The following NCKAP5 variants were observed in gnomAD, a reference collection of about 807,000 sequenced individuals.
NCKAP5 encodes nck-associated protein 5.
In NCKAP5, 92 loss-of-function variants were observed where a neutral mutation model predicts 167.0. That is an observed-to-expected ratio of 0.55 (90% CI 0.47 to 0.66). NCKAP5 has a LOEUF of 0.66. NCKAP5 is among the 30% of genes least tolerant of loss of function. The pLI is 0.00. For synonymous variants in NCKAP5, 891 were observed against 877.4 expected (o/e 1.02, Z -0.27); for missense variants, 2,378 against 2,315.0 (o/e 1.03, Z -0.56).
chr2:133,069,675 T>G (rs181710134), intron 6 of NCKAP5, among the ~76,000 whole-genome samples: 5 of 152,270 alleles, frequency 3.3e-5, no homozygotes, highest in African/African-American at 1.2e-4. Context: ...CTGGCCCCAT[T>G]AGATGCTCTG....
At chr2:132,774,605 T>A (rs994084074) in intron 15 of NCKAP5, among the ~76,000 whole-genome samples, 2 of 152,152 alleles carry the variant, frequency 1.3e-5, no homozygotes, top group African/African-American at 4.8e-5. Context: ...CAGATGAGAA[T>A]TCTGAGGTCT....
chr2:133,324,935 T>C (rs560796123), intron 3 of NCKAP5, among the ~76,000 whole-genome samples: 1 of 152,306 alleles, frequency 6.6e-6, no homozygotes, highest in Admixed American at 6.5e-5. Context: ...CTCGAAGTCC[T>C]GACCTCAGGT....
chr2:133,538,685 T>C (rs1685945367), intron 2 of NCKAP5, among the ~76,000 whole-genome samples: 1 of 152,022 alleles, frequency 6.6e-6, no homozygotes. Context: ...TTTCCATAAA[T>C]GTTGGGAGAC....
intron 1 of NCKAP5, among the ~76,000 whole-genome samples, chr2:133,567,708 G>T (rs1483771145): frequency 9.2e-6 from 1 of 108,514 alleles, no homozygotes; most frequent in South Asian, 3.1e-4. Context: ...TGTTTGGGGA[G>T]AGAGTGTAGG....
intron 2 of NCKAP5, among the ~76,000 whole-genome samples, chr2:133,519,645 T>C (rs142482831): frequency 3.6e-4 from 55 of 152,302 alleles, no homozygotes; most frequent in African/African-American, 1.2e-3. Context: ...TAGCTCATAA[T>C]AGATTGTGCT....
intron 3 of NCKAP5, among the ~76,000 whole-genome samples, chr2:133,363,277 C>G (rs959830181): frequency 6.6e-6 from 1 of 152,020 alleles, no homozygotes; most frequent in Non-Finnish European, 1.5e-5. Context: ...AAATCTAACC[C>G]ACTGCCCATT....
At chr2:133,563,109 T>C (rs1188060828) in intron 1 of NCKAP5, among the ~76,000 whole-genome samples, 4 of 152,204 alleles carry the variant, frequency 2.6e-5, no homozygotes, top group Non-Finnish European at 5.9e-5. Context: ...TTCCTTAGGT[T>C]ACCATTTTCA....
chr2:133,651,635 C>G, the NCKAP5 span, among the ~76,000 whole-genome samples: 1 of 152,124 alleles, frequency 6.6e-6, no homozygotes, highest in African/African-American at 2.4e-5. Flanking sequence ...AATAGAACTA[C>G]CATATGACCC....
intron 4 of NCKAP5, among the ~76,000 whole-genome samples, chr2:133,297,935 CT>C (rs1680083093): frequency 6.6e-6 from 1 of 152,210 alleles, no homozygotes; most frequent in Non-Finnish European, 1.5e-5. Context: ...ATTTGTTTAA[CT>C]TCAGGCAATC....
In NCKAP5 at chr2:133,036,965, A is replaced by T. The variant is rs1278980996; in HGVS notation, c.342-42726T>A. Among the ~76,000 whole-genome samples the T allele has an allele frequency of 3.3e-5, 5 of 152,240 alleles. No homozygotes were observed. The South Asian group carries it at 8.3e-4, about 25-fold the overall frequency. On this transcript the variant is annotated intron_variant, in intron 6 of 19. Transcript: ENST00000409261. ...CTATTAGAACTGATAAATTCAGTAA[A>T]GTTGCAGGATACAAAATCAACATGC...
At chr2:133,335,495 T>C (rs1314703734) in intron 3 of NCKAP5, among the ~76,000 whole-genome samples, 1 of 152,212 alleles carries the variant, frequency 6.6e-6, no homozygotes, top group Non-Finnish European at 1.5e-5. Flanking sequence ...GCAATTACAC[T>C]AATCCCCTTA....
At chr2:132,885,312 A>G (rs1692131613) in intron 8 of NCKAP5, among the ~76,000 whole-genome samples, 1 of 152,184 alleles carries the variant, frequency 6.6e-6, no homozygotes, top group Non-Finnish European at 1.5e-5. Flanking sequence ...GGAAAGAGAA[A>G]ATGCAAGTGT....
At position 132,785,504 on chromosome 2, in the gene NCKAP5, A is replaced by T. The variant is rs1683491894; in HGVS notation, c.1307T>A (p.Ile436Lys). 2 of 1,612,178 alleles carry T rather than the reference A, an allele frequency of 1.2e-6. No individual in the cohort carries two copies. The highest frequency in any genetic ancestry group is 8.5e-7 in the Non-Finnish European group (1 of 1,179,028). Residue 436 changes from isoleucine to lysine, a missense_variant, in exon 14 of 20, where the codon ATA becomes AAA. This residue lies in a region of NCKAP5 where 1,049 missense variants were observed against 1,023.4 expected (regional missense o/e 1.02). Transcript: ENST00000409261. Reference protein sequence around the residue: ...YKDCMNSNEGIYSPGIKSSSL... With the variant: ...YKDCMNSNEGKYSPGIKSSSL... ...GCTACTTTTAATTCCAGGAGAATAT[A>T]TTCCTTCATTCGAGTTCATGCAATC...
At chr2:133,241,623 G>A (rs891480246) in intron 4 of NCKAP5, among the ~76,000 whole-genome samples, 1 of 151,962 alleles carries the variant, frequency 6.6e-6, no homozygotes, top group Admixed American at 6.6e-5. Flanking sequence ...AGGAGTAAAC[G>A]GCATTTCCTC....
intron 6 of NCKAP5, among the ~76,000 whole-genome samples, chr2:133,091,363 G>A (rs1298951408): frequency 6.6e-6 from 1 of 152,144 alleles, no homozygotes; most frequent in African/African-American, 2.4e-5. Flanking sequence ...AGCTGGAATA[G>A]AATTGTTTTC....
chr2:133,049,544 C>CAAAAAA (rs59494014), intron 6 of NCKAP5, among the ~76,000 whole-genome samples: 3 of 78,282 alleles, frequency 3.8e-5, no homozygotes, highest in Non-Finnish European at 4.9e-5. Context: ...GACTCTGTCT[C>CAAAAAA]AAAAAAAAAA....
intron 7 of NCKAP5, among the ~76,000 whole-genome samples, chr2:132,979,093 T>C (rs2077057252): frequency 6.6e-6 from 1 of 152,296 alleles, no homozygotes; most frequent in South Asian, 2.1e-4. Context: ...AAGCTTCCAC[T>C]GAATTTCCAG....
chr2:133,181,866 C>CA (rs2084754655), intron 5 of NCKAP5, among the ~76,000 whole-genome samples: 1 of 151,898 alleles, frequency 6.6e-6, no homozygotes, highest in Non-Finnish European at 1.5e-5. Context: ...GTGCTATCTA[C>CA]AAAAAACTCA....
At chr2:133,308,079 ATTTTTTTTTTTTTTTT>A (rs60111877) in intron 3 of NCKAP5, among the ~76,000 whole-genome samples, 1 of 89,396 alleles carries the variant, frequency 1.1e-5, no homozygotes, top group Non-Finnish European at 2.2e-5. Flanking sequence ...TTATTGTTCT[ATTTTTTTTTTTTTTTT>A]TTTTTTTTTT....
Sources: allele counts gnomAD v4.1 joint callset (sites outside exome capture counted in the v4.1 genomes callset), GRCh38; gene constraint gnomAD v4.1.1; regional missense constraint gnomAD v4.1.1; transcripts MANE v1.5; gene names NCBI Gene and HGNC (gene_info 2026-07-23, HGNC 2026-07-21).